Variants in PXYLP1 observed in about 807,000 individuals in gnomAD.
The protein encoded by PXYLP1 is acid phosphatase-like 2.
A neutral mutation model predicts 37.9 loss-of-function variants in PXYLP1; 17 were observed. The ratio of observed to expected loss-of-function variants is 0.45; its 90% CI spans 0.31 to 0.67. The LOEUF is 0.67. Among genes scored for constraint, PXYLP1 ranks in the 30% least tolerant of loss-of-function variants. The pLI, the probability that PXYLP1 is intolerant of heterozygous loss-of-function variation, is 0.07. For missense variants in PXYLP1, 511 were observed against 612.0 expected (o/e 0.84, Z 1.74); for synonymous variants, 221 against 232.2 (o/e 0.95, Z 0.44).
At position 141,292,082 on chromosome 3, in the gene PXYLP1, A is replaced by C. The variant is rs3732864; in HGVS notation, c.506-186A>C. ...CCGCTCTGCTCATCCTTCATGAATAACCCCAAGAGGCTCCCTTCACAAGCT... is the reference window on the plus strand; with the variant it reads ...CCGCTCTGCTCATCCTTCATGAATACCCCCAAGAGGCTCCCTTCACAAGCT... On this transcript the variant is annotated intron_variant, in intron 5 of 5. Transcript: ENST00000286353. This position sits in a 1 kb window ranked among gnomAD's most constrained non-coding sequence, Gnocchi z 4.3. Among the ~76,000 whole-genome samples the C allele has an allele frequency of 0.63, 95,567 of 152,006 alleles. 32,624 individuals carry two copies. The highest frequency in any genetic ancestry group is 0.91 in the African/African-American group (37,606 of 41,494).
chr3:141,283,070 G>A (rs890578836), intron 4 of PXYLP1, among the ~76,000 whole-genome samples: 7 of 151,856 alleles, frequency 4.6e-5, no homozygotes, highest in Admixed American at 3.3e-4. Context: ...AGGTTCAAGC[G>A]ATTCTCCTGC....
At chr3:141,277,711 G>C (rs925863355) in intron 2 of PXYLP1, among the ~76,000 whole-genome samples, 5 of 152,176 alleles carry the variant, frequency 3.3e-5, no homozygotes, top group Non-Finnish European at 7.3e-5. Context: ...AATGGAATGA[G>C]GGTAGTAGAT....
chr3:141,241,209 T>C (rs1444761012), intron 1 of PXYLP1, among the ~76,000 whole-genome samples: 1 of 152,238 alleles, frequency 6.6e-6, no homozygotes, highest in Non-Finnish European at 1.5e-5. Flanking sequence ...GGTATATTGA[T>C]ATACTGGGCT....
chr3:141,290,289 T>C (rs1239951069), intron 5 of PXYLP1, among the ~76,000 whole-genome samples: 1 of 152,222 alleles, frequency 6.6e-6, no homozygotes, highest in African/African-American at 2.4e-5. Context: ...TGCCAGATAC[T>C]GCAGGGCCTT....
intron 4 of PXYLP1, among the ~76,000 whole-genome samples, chr3:141,283,902 G>A (rs1167714692): frequency 6.6e-6 from 1 of 151,896 alleles, no homozygotes. Flanking sequence ...TGTGAATAAT[G>A]CATATAAAAG....
intron 2 of PXYLP1, chr3:141,274,751 A>C (rs1941751307): frequency 3.0e-6 from 2 of 673,360 alleles, no homozygotes; most frequent in Admixed American, 4.1e-5. Context: ...TGCATATACT[A>C]TGCTGTGAGC....
intron 1 of PXYLP1, among the ~76,000 whole-genome samples, chr3:141,259,286 T>A (rs1436406854): frequency 3.3e-5 from 5 of 152,228 alleles, no homozygotes; most frequent in African/African-American, 1.2e-4. Context: ...TAAGAACCTT[T>A]TCTAAAGAGA....
At chr3:141,274,714 A>G in intron 2 of PXYLP1, 1 of 702,174 alleles carries the variant, frequency 1.4e-6, no homozygotes, top group Non-Finnish European at 2.6e-6. Context: ...TTGGGATGGC[A>G]GGGTGACAAA....
chr3:141,267,805 G>A (rs1228425042), intron 2 of PXYLP1, among the ~76,000 whole-genome samples: 2 of 152,098 alleles, frequency 1.3e-5, no homozygotes, highest in African/African-American at 4.8e-5. Flanking sequence ...TTCTTTCAGG[G>A]TGGAGCTAGA....
chr3:141,280,307 C>T lies in PXYLP1; in HGVS notation c.365+803C>T, dbSNP rs539060314. The stretch of plus-strand genomic sequence containing the variant: ...CGAGCCTGGTGGAGCCATGGATTAC[C>T]TCACTACAGCCAGGGCTGTTCTTTA... On this transcript the variant is annotated intron_variant, in intron 4 of 5. Transcript: ENST00000286353. 2.0e-5 allele frequency among the ~76,000 whole-genome samples: 3 copies of T among 152,314 alleles called. No individual in the cohort carries two copies. In the East Asian group the frequency reaches 5.8e-4, roughly 29 times the overall value.
chr3:141,247,610 C>A (rs1940991441), intron 1 of PXYLP1, among the ~76,000 whole-genome samples: 1 of 152,172 alleles, frequency 6.6e-6, no homozygotes, highest in Non-Finnish European at 1.5e-5. Context: ...ACCAAGACTT[C>A]ACATTCTACA....
chr3:141,278,576 G>C (rs1027061718), intron 3 of PXYLP1, 76 bp downstream of exon 3: 2 of 1,557,794 alleles, frequency 1.3e-6, no homozygotes, highest in Admixed American at 1.8e-5. Flanking sequence ...CAGCAGTAAG[G>C]AGCAAGATGG....
chr3:141,238,641 A>G (rs548645039), intron 1 of PXYLP1, among the ~76,000 whole-genome samples: 13 of 147,834 alleles, frequency 8.8e-5, no homozygotes, highest in Admixed American at 2.0e-4. Context: ...TCCCCCCACC[A>G]TGGCCCCCCA....
At chr3:141,268,860 T>G (rs1417842728) in intron 2 of PXYLP1, among the ~76,000 whole-genome samples, 1 of 152,214 alleles carries the variant, frequency 6.6e-6, no homozygotes, top group Non-Finnish European at 1.5e-5. Context: ...GTGGCTGGGA[T>G]GCATGGCCCC....
chr3:141,294,422 T>C lies in PXYLP1; in HGVS notation c.*1217T>C, dbSNP rs1376241347. ...ATGCGTTTTTGGAAGAACTTTGCTATTAGATAGTTTACAGATCTTTATAAG... is the reference window on the plus strand; with the variant it reads ...ATGCGTTTTTGGAAGAACTTTGCTACTAGATAGTTTACAGATCTTTATAAG... On this transcript the variant is annotated 3_prime_UTR_variant, in exon 6 of 6. Transcript: ENST00000286353. 6.6e-6 allele frequency: 1 copy of C among 152,244 alleles called. No individual in the cohort carries two copies. Among genetic ancestry groups the C allele is most frequent in the Non-Finnish European group, 1.5e-5 (1 of 68,038 alleles). The allele number at this position is 152,244 out of a possible 1,614,324, so 9.4% of individuals were successfully genotyped here.
At chr3:141,278,821 C>A (rs1332623261) in intron 3 of PXYLP1, among the ~76,000 whole-genome samples, 1 of 152,246 alleles carries the variant, frequency 6.6e-6, no homozygotes, top group Non-Finnish European at 1.5e-5. Context: ...CCTTGGCAGG[C>A]ACTAGTGCAG....
At chr3:141,233,661 C>G (rs923884700) in intron 1 of PXYLP1, among the ~76,000 whole-genome samples, 1 of 152,128 alleles carries the variant, frequency 6.6e-6, no homozygotes, top group Admixed American at 6.5e-5. Flanking sequence ...CCTGGCCAGC[C>G]CATCCTCACT....
At position 141,231,825 on chromosome 3, in the gene PXYLP1, G is replaced by T. The variant is rs914189579; in HGVS notation, c.-140G>T. On this transcript the variant is annotated 5_prime_UTR_variant, in exon 1 of 6. Coordinates refer to ENST00000286353, the MANE Select transcript of PXYLP1 (RefSeq NM_001037172.3). This position sits in a 1 kb window ranked among gnomAD's most constrained non-coding sequence, Gnocchi z 4.4. The stretch of plus-strand genomic sequence containing the variant: ...CCGGTGGCGGGTGCGCGCCGCCCTC[G>T]CCTCCCCTCGCGCCGGGAGGAGCTG... 6.6e-6 allele frequency: 1 copy of T among 150,446 alleles called. No individual in the cohort carries two copies. The allele number at this position is 150,446 out of a possible 1,614,324, so 9.3% of individuals were successfully genotyped here.
Position 141,292,555 on chromosome 3 carries a change from C to A in PXYLP1, c.793C>A (p.Arg265Ser). Residue 265 changes from arginine to serine, a missense_variant, in exon 6 of 6, where the codon CGT (arginine) becomes AGT (serine). Physicochemically the swap from Arg to Ser is moderately radical, Grantham distance 110. Coordinates refer to ENST00000286353, the MANE Select transcript of PXYLP1 (RefSeq NM_001037172.3). The surrounding 1 kb of genome is among the most constrained non-coding windows in gnomAD (Gnocchi z 4.3). The part of the protein sequence containing the change: ...EKEQRRQYLL[R>S]LKNSQLEKTY... ...GGAGCAGCGTCGTCAGTACCTCCTA[C>A]GTTTGAAAAACAGCCAGCTGGAGAA... 6.2e-7 allele frequency: 1 copy of A among 1,614,182 alleles called. No homozygotes were observed. Among genetic ancestry groups the A allele is most frequent in the South Asian group, 1.1e-5 (1 of 91,086 alleles).
Sources: allele counts gnomAD v4.1 joint callset (sites outside exome capture counted in the v4.1 genomes callset), GRCh38; gene constraint gnomAD v4.1.1; non-coding constraint Gnocchi (gnomAD v3.1); transcripts MANE v1.5; gene names NCBI Gene and HGNC (gene_info 2026-07-23, HGNC 2026-07-21).